Variants in GALNT3 observed in about 807,000 individuals in gnomAD.
GALNT3 encodes the protein polypeptide N-acetylgalactosaminyltransferase 3.
In GALNT3, 51 loss-of-function variants were observed where a neutral mutation model predicts 69.8. That is an observed-to-expected ratio of 0.73 (90% CI 0.58 to 0.92). The LOEUF (loss-of-function observed/expected upper bound fraction) is 0.92. GALNT3 is among the 40% of genes least tolerant of loss of function. The pLI is 0.00. For synonymous variants in GALNT3, 265 were observed against 248.5 expected (o/e 1.07, Z -0.63); for missense variants, 711 against 760.0 (o/e 0.94, Z 0.76).
intron 4 of GALNT3, among the ~76,000 whole-genome samples, 179 bp from the exon 5 acceptor site, chr2:165,759,749 A>G (rs1688510798): frequency 6.6e-6 from 1 of 152,198 alleles, no homozygotes; most frequent in Non-Finnish European, 1.5e-5. Flanking sequence ...TAAAAATTCT[A>G]TACATTTGCA....
At chr2:165,760,353 T>G (rs1403245289) in intron 4 of GALNT3, among the ~76,000 whole-genome samples, 1 of 151,838 alleles carries the variant, frequency 6.6e-6, no homozygotes, top group Non-Finnish European at 1.5e-5. Context: ...GGCCAAGGAG[T>G]TTCATGTCAT....
rs80262960 is a variant in GALNT3, at chr2:165,782,078, G to A, written c.-108-11270C>T. 7.6e-3 allele frequency among the ~76,000 whole-genome samples: 1,158 copies of A among 152,272 alleles called. 38 individuals are homozygous for A. The highest frequency in any genetic ancestry group is 0.061 in the Admixed American group (938 of 15,288). ...CTCTAAGATCCATTTAACTTCTGCC[G>A]AGGCAAAATAAGTGAGCTAAGTGGG... On this transcript the variant is annotated intron_variant, in intron 1 of 10. Coordinates refer to ENST00000392701, the MANE Select transcript of GALNT3 (RefSeq NM_004482.4).
intron 1 of GALNT3, among the ~76,000 whole-genome samples, chr2:165,791,348 C>G: frequency 6.6e-6 from 1 of 151,628 alleles, no homozygotes; most frequent in East Asian, 1.9e-4. Context: ...AACAAAAATT[C>G]AACAGAATAG....
chr2:165,759,057 C>T (rs1267176383), intron 5 of GALNT3, among the ~76,000 whole-genome samples, 193 bp from the exon 6 acceptor site: 1 of 152,128 alleles, frequency 6.6e-6, no homozygotes, highest in Non-Finnish European at 1.5e-5. Context: ...TGTCCTCTCC[C>T]ATTGGAGTAA....
chr2:165,752,132 T>TA (rs1688366779), intron 9 of GALNT3, among the ~76,000 whole-genome samples: 1 of 152,164 alleles, frequency 6.6e-6, no homozygotes, highest in Admixed American at 6.5e-5. Flanking sequence ...CCTCATTTCC[T>TA]AGTCCTCTTT....
Position 165,778,861 on chromosome 2 carries a change from C to T in GALNT3, c.-108-8053G>A, listed in dbSNP as rs533324829. ...CTTTCATGTGCCACACAGGTAACAA[C>T]GGCTCTGGGCTGGCTGCCTGGGACA... On this transcript the variant is annotated intron_variant, in intron 1 of 10. Coordinates refer to ENST00000392701, the MANE Select transcript of GALNT3 (RefSeq NM_004482.4). Among the ~76,000 whole-genome samples, 7 of 152,282 alleles carry T rather than the reference C, an allele frequency of 4.6e-5. No homozygotes were observed. In the East Asian group the frequency reaches 5.8e-4, roughly 13 times the overall value.
At chr2:165,785,432 G>C (rs566818775) in intron 1 of GALNT3, among the ~76,000 whole-genome samples, 2 of 152,142 alleles carry the variant, frequency 1.3e-5, no homozygotes, top group African/African-American at 4.8e-5. Flanking sequence ...TGGTGTCAGA[G>C]GGCAACAGTG....
At chr2:165,775,874 A>T (rs1000562543) in intron 1 of GALNT3, among the ~76,000 whole-genome samples, 8 of 152,220 alleles carry the variant, frequency 5.3e-5, no homozygotes, top group Non-Finnish European at 1.0e-4. Flanking sequence ...AGGCAACCAC[A>T]TTACTAATTT....
chr2:165,789,545 A>G (rs1318105059), intron 1 of GALNT3, among the ~76,000 whole-genome samples: 1 of 152,144 alleles, frequency 6.6e-6, no homozygotes, highest in Non-Finnish European at 1.5e-5. Flanking sequence ...GGTAGTACAC[A>G]TTTATGATTC....
Position 165,759,545 on chromosome 2 carries a change from T to G in GALNT3, c.864A>C (p.Glu288Asp). Reference sequence around the variant, plus strand: ...TCTCAGCTATTCTGGCCAACAGAGGTTCTAGCCAACCATAGAAACACTCAC... The same window carrying G: ...TCTCAGCTATTCTGGCCAACAGAGGGTCTAGCCAACCATAGAAACACTCAC... ...AHCECFYGWL[E>D]PLLARIAENY... The change falls in exon 5 of 11, where the codon GAA (glutamate) becomes GAC (aspartate). Residue 288 changes from glutamate (E) to aspartate (D), a missense_variant. Coordinates refer to ENST00000392701, the MANE Select transcript of GALNT3 (RefSeq NM_004482.4). The G allele has an allele frequency of 6.2e-7, 1 of 1,613,438 alleles. No individual in the cohort carries two copies. Among genetic ancestry groups the G allele is most frequent in the Non-Finnish European group, 8.5e-7 (1 of 1,179,834 alleles).
chr2:165,761,988 CTT>C lies in GALNT3; in HGVS notation c.753_754del (p.Glu253LysfsTer18), dbSNP rs751860381. The stretch of plus-strand genomic sequence containing the variant: ...AGCAGTGATCAGACCTTTTCTTTCT[CTT>C]TGTCTGACTATTTTTACTATAGAAA... On this transcript the variant is annotated frameshift_variant, in exon 4 of 11. Coordinates refer to ENST00000392701, the MANE Select transcript of GALNT3 (RefSeq NM_004482.4). LOFTEE classifies it high-confidence loss of function. The C allele has an allele frequency of 6.2e-7, 1 of 1,610,154 alleles. No individual in the cohort carries two copies. The highest frequency in any genetic ancestry group is 8.5e-7 in the Non-Finnish European group (1 of 1,176,462).
At chr2:165,760,147 G>T (rs184304484) in intron 4 of GALNT3, among the ~76,000 whole-genome samples, 7 of 152,260 alleles carry the variant, frequency 4.6e-5, no homozygotes, top group African/African-American at 1.7e-4. Context: ...GTAGCTTTTT[G>T]CTGTTCCACA....
chr2:165,776,252 T>C (rs866625279), intron 1 of GALNT3, among the ~76,000 whole-genome samples: 12 of 152,130 alleles, frequency 7.9e-5, no homozygotes, highest in Admixed American at 1.3e-4. Context: ...TTGGAAGCCC[T>C]ACGTAAAAAC....
At chr2:165,771,681 C>T (rs1559002595) in intron 1 of GALNT3, 1 of 152,072 alleles carries the variant, frequency 6.6e-6, no homozygotes, top group South Asian at 2.1e-4. Flanking sequence ...CTATGAGCCG[C>T]GATAGCCAGT....
intron 3 of GALNT3, among the ~76,000 whole-genome samples, chr2:165,764,207 C>T (rs1223743882): frequency 6.6e-6 from 1 of 152,044 alleles, no homozygotes; most frequent in East Asian, 1.9e-4. Context: ...ATTTGACTAA[C>T]ATTGTAAGTA....
chr2:165,763,959 C>T (rs1688594085), intron 3 of GALNT3, among the ~76,000 whole-genome samples: 2 of 152,236 alleles, frequency 1.3e-5, no homozygotes, highest in South Asian at 2.1e-4. Flanking sequence ...CAAGACATTG[C>T]TGGGAGGATA....
chr2:165,756,673 T>C (rs1359662507), intron 7 of GALNT3, among the ~76,000 whole-genome samples: 1 of 151,086 alleles, frequency 6.6e-6, no homozygotes, highest in Non-Finnish European at 1.5e-5. Flanking sequence ...TTTATTCTCA[T>C]GCCACATTAA....
Position 165,759,369 on chromosome 2 carries a change from T to G in GALNT3, c.1040A>C (p.Lys347Thr). The G allele has an allele frequency of 6.2e-7, 1 of 1,613,974 alleles. No individual in the cohort carries two copies. Among genetic ancestry groups the G allele is most frequent in the South Asian group, 1.1e-5 (1 of 91,068 alleles). The change falls in exon 5 of 11, where the codon AAG becomes ACG. Residue 347 changes from lysine to threonine, a missense_variant. Physicochemically the swap from Lys to Thr is moderately conservative, Grantham distance 78. Transcript: ENST00000392701. ...FGWESLPDHE[K>T]QRRKDETYPI... is the part of the protein sequence containing the mutation. ...GTAGGTTTCATCTTTCCTTCTTTGC[T>G]TCTCATGATCAGGAAGCGACTCCCA...
At chr2:165,777,122 C>G (rs972816128) in intron 1 of GALNT3, among the ~76,000 whole-genome samples, 1 of 152,160 alleles carries the variant, frequency 6.6e-6, no homozygotes, top group Non-Finnish European at 1.5e-5. Flanking sequence ...GTTCCTCTCA[C>G]TTCTTGTTTC....
Sources: allele counts gnomAD v4.1 joint callset (sites outside exome capture counted in the v4.1 genomes callset), GRCh38; gene constraint gnomAD v4.1.1; transcripts MANE v1.5; gene names NCBI Gene and HGNC (gene_info 2026-07-23, HGNC 2026-07-21).